The following TUBB6 variants were observed in gnomAD, a reference collection of about 807,000 sequenced individuals.
TUBB6 encodes tubulin beta 6 class V.
TUBB6 carries 18 observed loss-of-function variants against 32.3 expected under a neutral mutation model. The observed-to-expected ratio is 0.56, with a 90% CI of 0.39 to 0.83. The LOEUF is 0.83. Among genes scored for constraint, TUBB6 ranks in the 40% least tolerant of loss-of-function variants. The probability of loss-of-function intolerance (pLI) is 0.00; values close to 1 mark genes in which losing one functional copy is unlikely to be tolerated. For synonymous variants in TUBB6, 280 were observed against 265.8 expected, an observed-to-expected ratio of 1.05 and a Z score of -0.52; for missense variants, 480 against 632.0, an observed-to-expected ratio of 0.76 and a Z score of 2.58.
At position 12,326,559 on chromosome 18, in the gene TUBB6, G is replaced by A. The variant is rs756043159; in HGVS notation, c.*429G>A. The A allele has an allele frequency of 2.7e-5, 5 of 185,742 alleles. No homozygotes were observed. The highest frequency in any genetic ancestry group is 1.2e-4 in the South Asian group (1 of 8,278). The allele number at this position is 185,742 out of a possible 1,614,324, so 11.5% of individuals were successfully genotyped here. ...AATGATTCATAATAAAATACTAAAC[G>A]TGTGTCTTCATCTCTCTAGCCATGT... On this transcript the variant is annotated 3_prime_UTR_variant, in exon 4 of 4. Transcript: ENST00000317702.
rs751082733 is a variant in TUBB6, at chr18:12,308,692, G to A, written c.63G>A (p.Trp21Ter). The A allele has an allele frequency of 1.2e-6, 2 of 1,609,228 alleles. No individual in the cohort carries two copies. The highest frequency in any genetic ancestry group is 2.7e-5 in the African/African-American group (2 of 74,806). Reference protein sequence around the residue: ...QCGNQIGTKFWEVISDEHGID... With the variant: ...QCGNQIGTKF The stretch of plus-strand genomic sequence containing the variant: ...CCCGCCTTGCCCTGCCCAAGTTTTG[G>A]GAAGTGATCAGCGATGAGCACGGCA... The change falls in exon 2 of 4, where the codon TGG (tryptophan) becomes TGA (stop). Residue 21 changes from tryptophan (W) to a stop codon, truncating the protein, a stop_gained. Coordinates refer to ENST00000317702, the MANE Select transcript of TUBB6 (RefSeq NM_032525.3). LOFTEE classifies it high-confidence loss of function.
intron 3 of TUBB6, chr18:12,324,660 A>C: frequency 1.7e-6 from 1 of 591,952 alleles, no homozygotes; most frequent in Non-Finnish European, 2.5e-6. Context: ...CATGTTGCCC[A>C]GGCTGGTCTC....
Position 12,325,703 on chromosome 18 carries a change from C to T in TUBB6, c.914C>T (p.Pro305Leu), listed in dbSNP as rs749224546. The T allele has an allele frequency of 1.4e-5, 23 of 1,614,012 alleles. No individual in the cohort carries two copies. The highest frequency in any genetic ancestry group is 5.1e-6 in the Non-Finnish European group (6 of 1,179,998). ...AGGAACATGATGGCCGCCTGCGATCCGCGCCATGGCCGCTACCTGACCGTG... is the reference window on the plus strand; with the variant it reads ...AGGAACATGATGGCCGCCTGCGATCTGCGCCATGGCCGCTACCTGACCGTG... Reference protein sequence around the residue: ...DARNMMAACDPRHGRYLTVAT... With the variant: ...DARNMMAACDLRHGRYLTVAT... The change falls in exon 4 of 4, where the codon CCG becomes CTG. Residue 305 changes from proline (P) to leucine (L), a missense_variant. Pro to Leu is a moderately conservative substitution (Grantham distance 98). Transcript: ENST00000317702.
In TUBB6 at chr18:12,321,380, T is replaced by C. The variant is rs184503322; in HGVS notation, c.278-3687T>C. Among the ~76,000 whole-genome samples the C allele has an allele frequency of 3.3e-3, 501 of 152,308 alleles. 3 individuals carry two copies. The highest frequency in any genetic ancestry group is 0.011 in the African/African-American group (467 of 41,566). On this transcript the variant is annotated intron_variant, in intron 3 of 3. Transcript: ENST00000317702. ...CCACTGTGTAAGGCTGCACTTGTTA[T>C]GTACTGCAGAAGCCAGGGGTGCCAT... is the stretch of plus-strand genomic sequence containing the variant.
At position 12,325,543 on chromosome 18, in the gene TUBB6, A is replaced by G; in HGVS notation, c.754A>G (p.Lys252Glu). 1 of 1,614,186 alleles carries G rather than the reference A, an allele frequency of 6.2e-7. No homozygotes were observed. Among genetic ancestry groups the G allele is most frequent in the Non-Finnish European group, 8.5e-7 (1 of 1,180,038 alleles). Residue 252 changes from lysine to glutamate, a missense_variant, in exon 4 of 4, where the codon AAG becomes GAG. By Grantham distance (56) the Lys-to-Glu change is moderately conservative (BLOSUM62 1). Transcript: ENST00000317702. ...FPGQLNADLRKLAVNMVPFPR... is the reference protein window; with the variant it reads ...FPGQLNADLRELAVNMVPFPR... Reference sequence around the variant, plus strand: ...GGGCCAGCTCAATGCTGACCTGCGCAAGCTGGCGGTGAACATGGTGCCCTT... The same window carrying G: ...GGGCCAGCTCAATGCTGACCTGCGCGAGCTGGCGGTGAACATGGTGCCCTT...
At position 12,325,186 on chromosome 18, in the gene TUBB6, T is replaced by C. The variant is rs1309940329; in HGVS notation, c.397T>C (p.Phe133Leu). The C allele has an allele frequency of 4.3e-6, 7 of 1,613,944 alleles. No individual in the cohort carries two copies. The highest frequency in any genetic ancestry group is 5.9e-6 in the Non-Finnish European group (7 of 1,180,010). ...ECEHCDCLQG[F>L]QLTHSLGGGT... ...CGAGCACTGCGACTGCCTGCAGGGC[T>C]TCCAGCTCACGCACTCGCTGGGCGG... is the stretch of plus-strand genomic sequence containing the variant. Residue 133 changes from phenylalanine to leucine, a missense_variant, in exon 4 of 4, where the codon TTC becomes CTC. Phe to Leu is a conservative substitution (Grantham distance 22). Coordinates refer to ENST00000317702, the MANE Select transcript of TUBB6 (RefSeq NM_032525.3).
chr18:12,311,359 A>G (rs1401537108), intron 3 of TUBB6, among the ~76,000 whole-genome samples: 1 of 152,202 alleles, frequency 6.6e-6, no homozygotes, highest in Non-Finnish European at 1.5e-5. Context: ...CCACTTTGGG[A>G]GGCCAAGACG....
chr18:12,315,407 C>T (rs1906616651), intron 3 of TUBB6, among the ~76,000 whole-genome samples: 1 of 152,136 alleles, frequency 6.6e-6, no homozygotes. Flanking sequence ...AGATTTAAGC[C>T]CTTTTTACAC....
intron 3 of TUBB6, among the ~76,000 whole-genome samples, chr18:12,313,018 A>G (rs1393110366): frequency 1.3e-5 from 2 of 151,736 alleles, no homozygotes; most frequent in African/African-American, 2.4e-5. Context: ...AAAAAAAAAG[A>G]TAAAGTTTTG....
intron 3 of TUBB6, among the ~76,000 whole-genome samples, chr18:12,324,239 A>G (rs565121813): frequency 6.6e-5 from 10 of 151,696 alleles, no homozygotes; most frequent in East Asian, 2.0e-4. Context: ...GAGTGGTGGC[A>G]GGCGCCTGTA....
At chr18:12,329,566 T>C, downstream of TUBB6, 2 of 1,613,814 alleles carry the variant, frequency 1.2e-6, no homozygotes, top group East Asian at 2.2e-5. Context: ...TCTGGGCCTC[T>C]AGTTGGCAAC....
At chr18:12,314,974 T>A (rs1340620880) in intron 3 of TUBB6, among the ~76,000 whole-genome samples, 2 of 142,260 alleles carry the variant, frequency 1.4e-5, no homozygotes, top group African/African-American at 2.5e-5. Flanking sequence ...TTTTTTTTTT[T>A]AGCAAAAACT....
chr18:12,326,041 C>G lies in TUBB6; in HGVS notation c.1252C>G (p.Leu418Val). Reference protein sequence around the residue: ...FTEAESNMNDLVSEYQQYQDA... With the variant: ...FTEAESNMNDVVSEYQQYQDA... Reference sequence around the variant, plus strand: ...CGAGGCGGAGAGCAACATGAACGACCTGGTATCCGAGTACCAGCAGTACCA... The same window carrying G: ...CGAGGCGGAGAGCAACATGAACGACGTGGTATCCGAGTACCAGCAGTACCA... Residue 418 changes from leucine to valine, a missense_variant, in exon 4 of 4, where the codon CTG (leucine) becomes GTG (valine). By Grantham distance (32) the Leu-to-Val change is conservative. Transcript: ENST00000317702. The G allele has an allele frequency of 6.2e-7, 1 of 1,614,166 alleles. No individual in the cohort carries two copies. Among genetic ancestry groups the G allele is most frequent in the Non-Finnish European group, 8.5e-7 (1 of 1,180,044 alleles).
At chr18:12,308,434 G>C in intron 1 of TUBB6, 85 bp downstream of exon 1, 1 of 1,103,404 alleles carries the variant, frequency 9.1e-7, no homozygotes, top group South Asian at 3.4e-5. Context: ...GCCGGGGCGC[G>C]CACCCGCTGT....
intron 2 of TUBB6, among the ~76,000 whole-genome samples, chr18:12,309,405 C>T (rs1376626168): frequency 7.2e-5 from 10 of 138,934 alleles, no homozygotes; most frequent in Non-Finnish European, 1.4e-4. Context: ...GCTTCCCCCC[C>T]CCCCCCCCCA....
At chr18:12,310,259 G>A (rs2144127312) in intron 2 of TUBB6, among the ~76,000 whole-genome samples, 1 of 152,078 alleles carries the variant, frequency 6.6e-6, no homozygotes. Flanking sequence ...GGAGGCCGAG[G>A]TGGGCAGATC....
chr18:12,329,684 A>T, downstream of TUBB6: 2 of 1,614,110 alleles, frequency 1.2e-6, no homozygotes, highest in Non-Finnish European at 1.7e-6. Flanking sequence ...CCTTCCACAA[A>T]TTCTTCATAG....
chr18:12,313,575 A>G (rs1275410651), intron 3 of TUBB6, among the ~76,000 whole-genome samples: 1 of 152,234 alleles, frequency 6.6e-6, no homozygotes, highest in East Asian at 1.9e-4. Flanking sequence ...TCCTATTCAC[A>G]ACTGTAATAA....
intron 3 of TUBB6, among the ~76,000 whole-genome samples, chr18:12,314,773 G>A (rs918971723): frequency 6.6e-6 from 1 of 152,174 alleles, no homozygotes; most frequent in Non-Finnish European, 1.5e-5. Context: ...AGCTGTGGCT[G>A]AGAATTAATT....
Sources: allele counts gnomAD v4.1 joint callset (sites outside exome capture counted in the v4.1 genomes callset), GRCh38; gene constraint gnomAD v4.1.1; transcripts MANE v1.5; gene names NCBI Gene and HGNC (gene_info 2026-07-23, HGNC 2026-07-21).